WDR7: variants seen among roughly 807,000 people sequenced by gnomAD.
WDR7 encodes WD repeat-containing protein 7.
Under a neutral mutation model 169.4 loss-of-function variants are expected in WDR7, and 46 were observed. The ratio of observed to expected loss-of-function variants is 0.27; its 90% confidence interval spans 0.21 to 0.35. The LOEUF is 0.35. Among genes scored for constraint, WDR7 ranks in the 10% least tolerant of loss-of-function variants. WDR7 has a pLI of 1.00. For synonymous variants in WDR7, 612 were observed against 666.8 expected (o/e 0.92, Z 1.27); for missense variants, 1,534 against 1,859.3 (o/e 0.83, Z 3.22).
chr18:56,699,697 CTCTT>C (rs778891532), intron 12 of WDR7: 95 of 332,812 alleles, frequency 2.9e-4, no homozygotes, highest in Non-Finnish European at 3.9e-4. Flanking sequence ...GATTTCTCCT[CTCTT>C]TATAGTCACA....
At chr18:56,721,486 T>C (rs1204518438) in intron 13 of WDR7, 1 of 152,210 alleles carries the variant, frequency 6.6e-6, no homozygotes, top group Non-Finnish European at 1.5e-5. Context: ...ATGGAAATTA[T>C]TCTTTCACAT....
At chr18:56,784,188 AG>A (rs568420947) in intron 19 of WDR7, among the ~76,000 whole-genome samples, 5 of 152,298 alleles carry the variant, frequency 3.3e-5, no homozygotes, top group African/African-American at 1.2e-4. Context: ...AATTTTCTGA[AG>A]GTCCCTCAGT....
At chr18:56,931,199 C>T (rs1309529634) in intron 22 of WDR7, among the ~76,000 whole-genome samples, 1 of 152,094 alleles carries the variant, frequency 6.6e-6, no homozygotes, top group Non-Finnish European at 1.5e-5. Flanking sequence ...GCATAACAGC[C>T]AGATAGGTGG....
At chr18:56,655,047 GT>G (rs1303667147) in intron 1 of WDR7, among the ~76,000 whole-genome samples, 3 of 152,056 alleles carry the variant, frequency 2.0e-5, no homozygotes, top group Non-Finnish European at 4.4e-5. Flanking sequence ...GTAGTAGTAT[GT>G]TTTTTCCTCC....
At chr18:56,842,683 A>G (rs574000492) in intron 20 of WDR7, among the ~76,000 whole-genome samples, 1 of 152,202 alleles carries the variant, frequency 6.6e-6, no homozygotes, top group African/African-American at 2.4e-5. Context: ...TGTTTTATTC[A>G]TGTTTTCTCT....
chr18:56,659,578 T>A (rs1366071167), intron 1 of WDR7, among the ~76,000 whole-genome samples: 1 of 152,202 alleles, frequency 6.6e-6, no homozygotes, highest in Admixed American at 6.5e-5. Flanking sequence ...TTTATGATGG[T>A]CAGGAAACTC....
At position 57,008,386 on chromosome 18, in the gene WDR7, TG is replaced by T. The variant is rs2048094870; in HGVS notation, c.4165-12358del. ...ACTTCAGAAAACTCTCTATTGACTA[TG>T]AATTAAGTCCACATTTCTTGACACC... On this transcript the variant is annotated intron_variant, in intron 26 of 27. Coordinates refer to ENST00000254442, the MANE Select transcript of WDR7 (RefSeq NM_015285.3). Among the ~76,000 whole-genome samples, 4 of 152,322 alleles carry T rather than the reference TG, an allele frequency of 2.6e-5. No individual in the cohort carries two copies. The South Asian group carries it at 8.3e-4, about 32-fold the overall frequency.
Position 56,718,154 on chromosome 18 carries a change from A to G in WDR7, c.1769A>G (p.Asp590Gly), listed in dbSNP as rs1353790506. ...GGTTCTGTGTACGTCTGGCAAATGGATACTGGTAAGAACAAGTATGAAGAG... is the reference window on the plus strand; with the variant it reads ...GGTTCTGTGTACGTCTGGCAAATGGGTACTGGTAAGAACAAGTATGAAGAG... ...SDGSVYVWQM[D>G]TGALDRCVMG... Residue 590 changes from aspartate to glycine, a missense_variant, in exon 13 of 28, where the codon GAT becomes GGT. Transcript: ENST00000254442. The G allele has an allele frequency of 4.4e-6, 7 of 1,608,954 alleles. No individual in the cohort carries two copies. Among genetic ancestry groups the G allele is most frequent in the South Asian group, 1.1e-5 (1 of 90,146 alleles).
chr18:56,759,826 C>T (rs192492010), intron 16 of WDR7, among the ~76,000 whole-genome samples: 243 of 152,216 alleles, frequency 1.6e-3, no homozygotes, highest in African/African-American at 5.6e-3. Flanking sequence ...AGACCCCCAA[C>T]TTTATATCTG....
chr18:57,015,514 GC>G (rs2048193932), intron 26 of WDR7, among the ~76,000 whole-genome samples: 1 of 151,952 alleles, frequency 6.6e-6, no homozygotes, highest in African/African-American at 2.4e-5. Flanking sequence ...TTTTTGATGA[GC>G]CTTTCCCTTG....
At chr18:56,843,425 A>C (rs1056307675) in intron 20 of WDR7, among the ~76,000 whole-genome samples, 1 of 152,108 alleles carries the variant, frequency 6.6e-6, no homozygotes, top group African/African-American at 2.4e-5. Context: ...TTCTGTCTCT[A>C]TGAATTTGGC....
intron 13 of WDR7, among the ~76,000 whole-genome samples, chr18:56,730,339 A>T (rs184091336): frequency 1.3e-5 from 2 of 152,240 alleles, no homozygotes; most frequent in Non-Finnish European, 2.9e-5. Flanking sequence ...ACTCATTGAA[A>T]ATGTAACATT....
Position 56,788,643 on chromosome 18 carries a change from T to TGGTGAGCAATA in WDR7, c.3190+6987_3190+6988insGGTGAGCAATA, listed in dbSNP as rs2044439249. On this transcript the variant is annotated intron_variant, in intron 19 of 27. Coordinates refer to ENST00000254442, the MANE Select transcript of WDR7 (RefSeq NM_015285.3). ...CCTTTGTGGTATTCTGGATGTCTTT[T>TGGTGAGCAATA]CTTTTTGAGCAAGAGTATTCTAATT... Among the ~76,000 whole-genome samples the TGGTGAGCAATA allele has an allele frequency of 1.1e-4, 16 of 152,288 alleles. 1 individual carries two copies. Among genetic ancestry groups the TGGTGAGCAATA allele is most frequent in the Middle Eastern group, 3.4e-3 (1 of 294 alleles).
intron 20 of WDR7, among the ~76,000 whole-genome samples, chr18:56,842,763 T>G (rs1310727142): frequency 6.6e-6 from 1 of 152,220 alleles, no homozygotes; most frequent in Non-Finnish European, 1.5e-5. Context: ...GTGGAAGTAT[T>G]TTAACGTTTT....
chr18:56,897,513 A>G (rs1422109654), intron 21 of WDR7, among the ~76,000 whole-genome samples: 1 of 47,618 alleles, frequency 2.1e-5, no homozygotes, highest in Non-Finnish European at 5.6e-5. Flanking sequence ...AAGCTAGGGA[A>G]TGAAACCACA....
chr18:56,656,175 A>T (rs965455565), intron 1 of WDR7, among the ~76,000 whole-genome samples: 1 of 152,096 alleles, frequency 6.6e-6, no homozygotes, highest in East Asian at 1.9e-4. Context: ...AGTAACTCCC[A>T]AAGTGTTTTC....
At chr18:56,697,467 T>A (rs1331384853) in intron 12 of WDR7, among the ~76,000 whole-genome samples, 1 of 152,232 alleles carries the variant, frequency 6.6e-6, no homozygotes, top group African/African-American at 2.4e-5. Flanking sequence ...CCTGGCAGAT[T>A]TGCAAATTTA....
chr18:56,674,325 G>A (rs1337330176), intron 2 of WDR7, among the ~76,000 whole-genome samples: 1 of 152,052 alleles, frequency 6.6e-6, no homozygotes, highest in Admixed American at 6.6e-5. Flanking sequence ...ATTCTAGCCC[G>A]AATTTTGTGT....
chr18:56,865,839 T>TC lies in WDR7; in HGVS notation c.3305-14104dup, dbSNP rs1381903343. Among the ~76,000 whole-genome samples the TC allele has an allele frequency of 2.6e-5, 4 of 152,174 alleles. No individual in the cohort carries two copies. In the East Asian group the frequency reaches 7.7e-4, roughly 29 times the overall value. On this transcript the variant is annotated intron_variant, in intron 20 of 27. Coordinates refer to ENST00000254442, the MANE Select transcript of WDR7 (RefSeq NM_015285.3). ...TTCATATGCTTGATAGAATATCTCT[T>TC]CTGGCATTTTCTACATTTTTTAGAT... is the stretch of plus-strand genomic sequence containing the variant.
Sources: gnomAD v4.1 joint callset for allele counts (sites outside exome capture counted in the v4.1 genomes callset) on GRCh38, gnomAD v4.1.1 for gene constraint, MANE v1.5 for transcripts, NCBI Gene and HGNC (gene_info 2026-07-23, HGNC 2026-07-21) for gene names.